The following NTF3 variants were observed in gnomAD, a reference collection of about 807,000 sequenced individuals.
NTF3 encodes neurotrophin-3.
NTF3 carries 8 observed loss-of-function variants against 26.3 expected under a neutral mutation model. The ratio of observed to expected loss-of-function variants is 0.30; its 90% CI spans 0.18 to 0.55. The LOEUF (loss-of-function observed/expected upper bound fraction) is 0.55, where lower values mean the gene tolerates loss of function less well. Ranked by LOEUF, NTF3 falls within the 20% of genes least tolerant of loss-of-function variation. The probability of loss-of-function intolerance (pLI) is 0.93; values close to 1 mark genes in which losing one functional copy is unlikely to be tolerated. For missense variants in NTF3, 276 were observed against 352.9 expected (o/e 0.78, Z 1.75); for synonymous variants, 154 against 145.5 (o/e 1.06, Z -0.42).
chr12:5,447,955 A>T (rs1404208310), intron 1 of NTF3, among the ~76,000 whole-genome samples: 1 of 152,202 alleles, frequency 6.6e-6, no homozygotes, highest in Non-Finnish European at 1.5e-5. Context: ...TTAGTGAGGG[A>T]CATGGGCATG....
intron 1 of NTF3, among the ~76,000 whole-genome samples, chr12:5,438,674 G>A (rs1241749137): frequency 2.0e-5 from 3 of 152,218 alleles, no homozygotes; most frequent in Admixed American, 2.0e-4. Context: ...AGGCCAGGGT[G>A]ACCTTCAGTA....
chr12:5,438,253 A>T (rs542592063), intron 1 of NTF3, among the ~76,000 whole-genome samples: 1 of 152,204 alleles, frequency 6.6e-6, no homozygotes, highest in East Asian at 1.9e-4. Flanking sequence ...GTTGTTGTTA[A>T]TAGTTTTCCA....
Position 5,494,163 on chromosome 12 carries a change from C to G in NTF3, c.19-31C>G, listed in dbSNP as rs1395845998. ...AATAACACAGACTCAGCTGCCAGAG[C>G]CTGCTCTTAACACCTGTGTTTCCTT... On this transcript the variant is annotated intron_variant, in intron 1 of 1. Coordinates refer to ENST00000423158, the MANE Select transcript of NTF3 (RefSeq NM_001102654.2). This position sits in a 1 kb window ranked among gnomAD's most constrained non-coding sequence, Gnocchi z 8.3. The G allele has an allele frequency of 1.9e-6, 3 of 1,597,196 alleles. No homozygotes were observed. Among genetic ancestry groups the G allele is most frequent in the Non-Finnish European group, 2.6e-6 (3 of 1,172,740 alleles).
At chr12:5,472,639 CGGGTG>C (rs1940679160) in intron 1 of NTF3, among the ~76,000 whole-genome samples, 1 of 152,132 alleles carries the variant, frequency 6.6e-6, no homozygotes, top group African/African-American at 2.4e-5. Context: ...CTCACAATGC[CGGGTG>C]ACAAGGAGGG....
intron 1 of NTF3, among the ~76,000 whole-genome samples, chr12:5,484,016 G>A (rs1940838424): frequency 6.6e-6 from 1 of 152,232 alleles, no homozygotes; most frequent in South Asian, 2.1e-4. Flanking sequence ...TGTCAGACAT[G>A]CTGTGTTGGT....
intron 1 of NTF3, among the ~76,000 whole-genome samples, chr12:5,436,568 C>T (rs933694794): frequency 5.3e-5 from 8 of 152,134 alleles, no homozygotes; most frequent in Admixed American, 3.9e-4. Flanking sequence ...TCTTTTCCCC[C>T]ATCAAAACTT....
intron 1 of NTF3, among the ~76,000 whole-genome samples, chr12:5,493,270 C>T (rs1301822443): frequency 2.6e-5 from 4 of 152,066 alleles, no homozygotes; most frequent in East Asian, 1.9e-4. Flanking sequence ...AGAATGAGAG[C>T]GTGGATGGGT....
intron 1 of NTF3, among the ~76,000 whole-genome samples, chr12:5,459,324 G>A (rs1044197196): frequency 6.6e-6 from 1 of 152,126 alleles, no homozygotes; most frequent in East Asian, 1.9e-4. Context: ...TCTTGCCAGT[G>A]GAAGAGTGAA....
At position 5,433,947 on chromosome 12, in the gene NTF3, C is replaced by T. The variant is rs936070674; in HGVS notation, c.18+1605C>T. Among the ~76,000 whole-genome samples the T allele has an allele frequency of 1.3e-5, 2 of 152,154 alleles. No individual in the cohort carries two copies. The highest frequency in any genetic ancestry group is 4.8e-5 in the African/African-American group (2 of 41,422). The stretch of plus-strand genomic sequence containing the variant: ...ATTATGGAGTGCACTGAGCGACCTG[C>T]TTTTTAAATAAAGAGGTGCCCGCTC... On this transcript the variant is annotated intron_variant, in intron 1 of 1. Coordinates refer to ENST00000423158, the MANE Select transcript of NTF3 (RefSeq NM_001102654.2). The surrounding 1 kb of genome is among the most constrained non-coding windows in gnomAD (Gnocchi z 4.6).
chr12:5,435,236 T>C (rs936376066), intron 1 of NTF3, among the ~76,000 whole-genome samples: 5 of 152,206 alleles, frequency 3.3e-5, no homozygotes, highest in Non-Finnish European at 7.3e-5. Context: ...GAGAATTCAC[T>C]ATCACCAGTT....
intron 1 of NTF3, among the ~76,000 whole-genome samples, chr12:5,460,774 G>A (rs1219187676): frequency 3.3e-5 from 5 of 152,168 alleles, no homozygotes; most frequent in Non-Finnish European, 5.9e-5. Context: ...CAGCAGCTCT[G>A]TAAGACTGCA....
At chr12:5,484,492 T>C (rs939129654) in intron 1 of NTF3, among the ~76,000 whole-genome samples, 4 of 152,228 alleles carry the variant, frequency 2.6e-5, no homozygotes, top group African/African-American at 9.7e-5. Context: ...TTATGGACTC[T>C]TTGAATCACC....
chr12:5,492,574 A>C (rs965505928), intron 1 of NTF3, among the ~76,000 whole-genome samples: 1 of 152,214 alleles, frequency 6.6e-6, no homozygotes, highest in East Asian at 1.9e-4. Context: ...GGATAGTACA[A>C]TTCCTTAGAG....
At chr12:5,449,627 T>C (rs2121165347) in intron 1 of NTF3, among the ~76,000 whole-genome samples, 1 of 152,314 alleles carries the variant, frequency 6.6e-6, no homozygotes, top group East Asian at 1.9e-4. Context: ...CTCCCGACTT[T>C]ACAGAGCTCT....
In NTF3 at chr12:5,456,604, TCCACCC is replaced by T. The variant is rs1024520331; in HGVS notation, c.18+24278_18+24283del. ...TGATCGTGAGCTCTGGGGGTCCTCT[TCCACCC>T]CCACCCCCACCCCCAGCCCCTGGAG... On this transcript the variant is annotated intron_variant, in intron 1 of 1. Coordinates refer to ENST00000423158, the MANE Select transcript of NTF3 (RefSeq NM_001102654.2). This position sits in a 1 kb window ranked among gnomAD's most constrained non-coding sequence, Gnocchi z 4.4. 1.3e-5 allele frequency among the ~76,000 whole-genome samples: 2 copies of T among 151,966 alleles called. No homozygotes were observed. Among genetic ancestry groups the T allele is most frequent in the African/African-American group, 4.8e-5 (2 of 41,370 alleles).
intron 1 of NTF3, among the ~76,000 whole-genome samples, chr12:5,455,541 C>CACACACAA (rs1370183016): frequency 1.7e-5 from 1 of 57,338 alleles, no homozygotes; most frequent in Non-Finnish European, 4.6e-5. Flanking sequence ...CCAACACACA[C>CACACACAA]ACACACACAC....
chr12:5,483,354 G>A (rs942104548), intron 1 of NTF3, among the ~76,000 whole-genome samples: 1 of 152,156 alleles, frequency 6.6e-6, no homozygotes, highest in African/African-American at 2.4e-5. Flanking sequence ...GGAGACCAAC[G>A]GTGCCAGGGC....
intron 1 of NTF3, among the ~76,000 whole-genome samples, chr12:5,447,489 C>T (rs138553265): frequency 1.3e-5 from 2 of 152,268 alleles, no homozygotes; most frequent in African/African-American, 4.8e-5. Flanking sequence ...AGAGAACTAA[C>T]CTTTAAGCAA....
intron 1 of NTF3, among the ~76,000 whole-genome samples, chr12:5,481,905 A>G (rs1356216624): frequency 2.0e-5 from 3 of 151,666 alleles, no homozygotes; most frequent in African/African-American, 7.3e-5. Context: ...CAACACACAG[A>G]CACACCCACG....
Sources: allele counts gnomAD v4.1 joint callset (sites outside exome capture counted in the v4.1 genomes callset), GRCh38; gene constraint gnomAD v4.1.1; non-coding constraint Gnocchi (gnomAD v3.1); transcripts MANE v1.5; gene names NCBI Gene and HGNC (gene_info 2026-07-23, HGNC 2026-07-21).